CNGB3: variants seen among roughly 807,000 people sequenced by gnomAD.
CNGB3 encodes the protein cyclic nucleotide gated channel subunit beta 3.
Under a neutral mutation model 92.8 loss-of-function variants are expected in CNGB3, and 86 were observed. The ratio of observed to expected loss-of-function variants is 0.93; its 90% CI spans 0.78 to 1.11. The LOEUF (loss-of-function observed/expected upper bound fraction) is 1.11. Ranked by LOEUF, CNGB3 falls within the 50% of genes least tolerant of loss-of-function variation. The pLI, the probability that CNGB3 is intolerant of heterozygous loss-of-function variation, is 0.00. For missense variants in CNGB3, 1,026 were observed against 956.8 expected, an observed-to-expected ratio of 1.07 and a Z score of -0.95; for synonymous variants, 333 against 332.7, an observed-to-expected ratio of 1.00 and a Z score of -0.01.
intron 3 of CNGB3, among the ~76,000 whole-genome samples, chr8:86,680,482 T>G (rs2131627358): frequency 6.6e-6 from 1 of 152,302 alleles, no homozygotes; most frequent in African/African-American, 2.4e-5. Flanking sequence ...GGGGCCATGG[T>G]CAACCATTGG....
chr8:86,687,711 A>AT (rs1241830222), intron 3 of CNGB3, among the ~76,000 whole-genome samples: 1 of 151,976 alleles, frequency 6.6e-6, no homozygotes. Context: ...TCAATCAATT[A>AT]TTTTTTTAAA....
chr8:86,722,756 T>C (rs943932005), intron 3 of CNGB3, among the ~76,000 whole-genome samples: 1 of 152,168 alleles, frequency 6.6e-6, no homozygotes, highest in Non-Finnish European at 1.5e-5. Context: ...TGGACATTGG[T>C]CTTTTTCTGA....
At chr8:86,603,338 G>C (rs1017467485) in intron 15 of CNGB3, among the ~76,000 whole-genome samples, 2 of 152,056 alleles carry the variant, frequency 1.3e-5, no homozygotes, top group Admixed American at 1.3e-4. Flanking sequence ...CACGTACCAG[G>C]CACTCCATAA....
At chr8:86,594,367 G>T (rs773846559) in intron 15 of CNGB3, 5 of 312,150 alleles carry the variant, frequency 1.6e-5, no homozygotes, top group African/African-American at 4.5e-5. Context: ...CGGCCTCCAT[G>T]ACCTTCATTT....
chr8:86,738,593 A>T (rs1368121408), intron 2 of CNGB3, among the ~76,000 whole-genome samples: 1 of 152,198 alleles, frequency 6.6e-6, no homozygotes, highest in African/African-American at 2.4e-5. Context: ...TAATCCCAGC[A>T]CTTTGGGAGG....
chr8:86,595,600 T>C (rs1046206787), intron 15 of CNGB3, among the ~76,000 whole-genome samples: 2 of 151,834 alleles, frequency 1.3e-5, no homozygotes, highest in Non-Finnish European at 2.9e-5. Flanking sequence ...ATGAAAAAAA[T>C]GAAAATGAAG....
intron 1 of CNGB3, 107 bp downstream of exon 1, chr8:86,743,392 G>T (rs1825374397): frequency 8.1e-6 from 10 of 1,233,608 alleles, no homozygotes; most frequent in Non-Finnish European, 1.2e-6. Flanking sequence ...ACCAGATGGT[G>T]CCAGGTAAAA....
At chr8:86,704,077 A>C (rs1209833469) in intron 3 of CNGB3, 2 of 152,222 alleles carry the variant, frequency 1.3e-5, no homozygotes, top group Non-Finnish European at 2.9e-5. Context: ...AACTACTAAT[A>C]GCCTACTGTT....
At chr8:86,714,116 A>G (rs955591979) in intron 3 of CNGB3, among the ~76,000 whole-genome samples, 2 of 152,162 alleles carry the variant, frequency 1.3e-5, no homozygotes, top group African/African-American at 2.4e-5. Flanking sequence ...TGTATCCATC[A>G]TCATAGTATC....
At chr8:86,601,949 T>C (rs531710019) in intron 15 of CNGB3, among the ~76,000 whole-genome samples, 48 of 152,212 alleles carry the variant, frequency 3.2e-4, no homozygotes, top group Non-Finnish European at 5.6e-4. Context: ...TTACTTTCAG[T>C]TGCAACTCAG....
intron 10 of CNGB3, among the ~76,000 whole-genome samples, chr8:86,641,669 C>A (rs990828999): frequency 6.6e-6 from 1 of 150,848 alleles, no homozygotes; most frequent in African/African-American, 2.4e-5. Flanking sequence ...AGAAGTTATT[C>A]TCTCTATTTC....
At chr8:86,701,626 T>C (rs1411430070) in intron 3 of CNGB3, among the ~76,000 whole-genome samples, 1 of 152,214 alleles carries the variant, frequency 6.6e-6, no homozygotes, top group East Asian at 1.9e-4. Context: ...TGTTTATTAT[T>C]TTTAAAATTC....
chr8:86,594,469 G>A (rs1304327411), intron 15 of CNGB3: 2 of 284,198 alleles, frequency 7.0e-6, no homozygotes, highest in East Asian at 1.3e-4. Context: ...TGGTAAAGAC[G>A]TGGTCCAGGA....
chr8:86,664,569 G>A (rs1586002219), intron 6 of CNGB3, among the ~76,000 whole-genome samples: 1 of 152,266 alleles, frequency 6.6e-6, no homozygotes, highest in African/African-American at 2.4e-5. Context: ...TTGTGCTTGT[G>A]AAAACACATT....
chr8:86,714,386 C>T (rs191238736), intron 3 of CNGB3, among the ~76,000 whole-genome samples: 17 of 152,228 alleles, frequency 1.1e-4, no homozygotes, highest in Admixed American at 3.3e-4. Context: ...CCTCTGCCTC[C>T]TAGGTTCAAG....
At chr8:86,657,467 TG>T in intron 6 of CNGB3, 2 of 517,348 alleles carry the variant, frequency 3.9e-6, no homozygotes, top group Middle Eastern at 4.0e-4. Context: ...TGGGTGCTCC[TG>T]GGGGTTCTGC....
intron 2 of CNGB3, among the ~76,000 whole-genome samples, chr8:86,735,056 T>G (rs1019779088): frequency 7.6e-5 from 11 of 144,790 alleles, no homozygotes; most frequent in South Asian, 6.6e-4. Flanking sequence ...TTTTTTTTTT[T>G]TTTTTTTTTT....
At chr8:86,726,989 A>T (rs1825071247) in intron 2 of CNGB3, among the ~76,000 whole-genome samples, 1 of 152,202 alleles carries the variant, frequency 6.6e-6, no homozygotes, top group Non-Finnish European at 1.5e-5. Context: ...ACCACACACC[A>T]AGGCTATACG....
chr8:86,649,046 A>T (rs1436557402), intron 7 of CNGB3, among the ~76,000 whole-genome samples: 1 of 151,434 alleles, frequency 6.6e-6, no homozygotes, highest in Non-Finnish European at 1.5e-5. Flanking sequence ...CAAATCAGGA[A>T]CTCAATCCCT....
Sources: allele counts gnomAD v4.1 joint callset (sites outside exome capture counted in the v4.1 genomes callset), GRCh38; gene constraint gnomAD v4.1.1; transcripts MANE v1.5; gene names NCBI Gene and HGNC (gene_info 2026-07-23, HGNC 2026-07-21).